The following EHD4 variants were observed in gnomAD, a reference collection of about 807,000 sequenced individuals.
EHD4 encodes EH domain-containing protein 4.
A neutral mutation model predicts 51.0 loss-of-function variants in EHD4; 37 were observed. That is an observed-to-expected ratio of 0.73 (90% CI 0.56 to 0.95). EHD4 has a LOEUF of 0.95. Among genes scored for constraint, EHD4 ranks in the 40% least tolerant of loss-of-function variants. The pLI, the probability that EHD4 is intolerant of heterozygous loss-of-function variation, is 0.00. For missense variants in EHD4, 632 were observed against 733.1 expected, an observed-to-expected ratio of 0.86 and a Z score of 1.59; for synonymous variants, 297 against 317.3, an observed-to-expected ratio of 0.94 and a Z score of 0.68.
At chr15:41,909,054 G>A (rs569647282) in intron 5 of EHD4, among the ~76,000 whole-genome samples, 4 of 152,354 alleles carry the variant, frequency 2.6e-5, no homozygotes, top group Admixed American at 6.5e-5. Flanking sequence ...GGACACGCTC[G>A]TCTAACAGCA....
intron 3 of EHD4, among the ~76,000 whole-genome samples, chr15:41,940,431 GA>G: frequency 6.6e-6 from 1 of 152,252 alleles, no homozygotes; most frequent in Non-Finnish European, 1.5e-5. Context: ...CGTTTGAGCT[GA>G]AGCTGCTTTA....
chr15:41,924,863 C>T (rs1202862543), intron 3 of EHD4, among the ~76,000 whole-genome samples: 1 of 151,892 alleles, frequency 6.6e-6, no homozygotes, highest in Non-Finnish European at 1.5e-5. Flanking sequence ...TCGAGACCAG[C>T]CTGGCCAACT....
chr15:41,963,466 G>A (rs1456119459), intron 1 of EHD4, among the ~76,000 whole-genome samples: 1 of 151,980 alleles, frequency 6.6e-6, no homozygotes, highest in Admixed American at 6.6e-5. Flanking sequence ...CAGGCATGGT[G>A]GCCCATGCCT....
At chr15:41,933,177 G>A (rs78000251) in intron 3 of EHD4, among the ~76,000 whole-genome samples, 1 of 152,136 alleles carries the variant, frequency 6.6e-6, no homozygotes, top group Non-Finnish European at 1.5e-5. Flanking sequence ...GGAAAATACA[G>A]ATGCTCCCTG....
chr15:41,900,334 A>C lies in EHD4; in HGVS notation c.*311T>G. Reference sequence around the variant, plus strand: ...TAGCTCACTTCCTGTGGTTCCTGGGACTTACCAGGCCCACCCCCATGCGCA... The same window carrying C: ...TAGCTCACTTCCTGTGGTTCCTGGGCCTTACCAGGCCCACCCCCATGCGCA... On this transcript the variant is annotated 3_prime_UTR_variant, in exon 6 of 6. Transcript: ENST00000220325. This position sits in a 1 kb window ranked among gnomAD's most constrained non-coding sequence, Gnocchi z 4.8. 5.6e-6 allele frequency: 2 copies of C among 356,912 alleles called. No homozygotes were observed. The highest frequency in any genetic ancestry group is 2.1e-5 in the African/African-American group (1 of 48,186). 22.1% of individuals were successfully genotyped at this position (356,912 alleles called of 1,614,324 possible). A position where few individuals can be genotyped will look rare whatever the true frequency, so the allele number is the denominator to read the frequency against.
At chr15:41,956,366 T>TC (rs1801741297) in intron 1 of EHD4, among the ~76,000 whole-genome samples, 1 of 152,124 alleles carries the variant, frequency 6.6e-6, no homozygotes, top group African/African-American at 2.4e-5. Context: ...CATACGGATA[T>TC]CGTAGTTAAG....
At chr15:41,958,613 C>A (rs1356606689) in intron 1 of EHD4, among the ~76,000 whole-genome samples, 1 of 152,038 alleles carries the variant, frequency 6.6e-6, no homozygotes, top group Non-Finnish European at 1.5e-5. Context: ...CAGAGATACT[C>A]TCAATATGTC....
rs968402495 is a variant in EHD4, at chr15:41,898,528, C to T, written c.*2117G>A. On this transcript the variant is annotated 3_prime_UTR_variant, in exon 6 of 6. Coordinates refer to ENST00000220325, the MANE Select transcript of EHD4 (RefSeq NM_139265.4). Reference sequence around the variant, plus strand: ...CTCTCAGTTCACCCTTTGGTGACCTCCACCGTGGCTGCAGACTTCAGGTGG... The same window carrying T: ...CTCTCAGTTCACCCTTTGGTGACCTTCACCGTGGCTGCAGACTTCAGGTGG... 6.6e-6 allele frequency: 1 copy of T among 152,238 alleles called. No individual in the cohort carries two copies. The highest frequency in any genetic ancestry group is 2.4e-5 in the African/African-American group (1 of 41,454). The allele number at this position is 152,238 out of a possible 1,614,324, so 9.4% of individuals were successfully genotyped here.
intron 1 of EHD4, among the ~76,000 whole-genome samples, chr15:41,965,895 C>A (rs1475736739): frequency 3.3e-5 from 5 of 152,042 alleles, no homozygotes; most frequent in African/African-American, 1.2e-4. Context: ...CGCTTCCCTG[C>A]TCGGACTGCA....
At chr15:41,934,075 C>T (rs1007698384) in intron 3 of EHD4, among the ~76,000 whole-genome samples, 2 of 152,126 alleles carry the variant, frequency 1.3e-5, no homozygotes, top group Admixed American at 6.5e-5. Context: ...GAGAGGGCAG[C>T]CTTCACCCTC....
chr15:41,951,105 G>A (rs2067849811), intron 2 of EHD4, among the ~76,000 whole-genome samples: 1 of 152,148 alleles, frequency 6.6e-6, no homozygotes, highest in South Asian at 2.1e-4. Context: ...GCTGGCCTGG[G>A]TTCCAGTCCC....
At chr15:41,911,612 T>C (rs1437573671) in intron 4 of EHD4, among the ~76,000 whole-genome samples, 1 of 152,140 alleles carries the variant, frequency 6.6e-6, no homozygotes, top group African/African-American at 2.4e-5. Context: ...TTCCTGGAAA[T>C]TCTGGATTGG....
In EHD4 at chr15:41,968,301, C is replaced by T. The variant is rs138555338; in HGVS notation, c.236+3958G>A. Among the ~76,000 whole-genome samples, 53 of 152,226 alleles carry T rather than the reference C, an allele frequency of 3.5e-4. No individual in the cohort carries two copies. In the East Asian group the frequency reaches 7.9e-3, roughly 23 times the overall value. On this transcript the variant is annotated intron_variant, in intron 1 of 5. Transcript: ENST00000220325. ...TATCTAAAGTTTTTAAACACAATTA[C>T]GGTATCAAGCATTTTATTAAAAATT...
chr15:41,922,570 C>T lies in EHD4; in HGVS notation c.512-2948G>A, dbSNP rs545654286. Among the ~76,000 whole-genome samples the T allele has an allele frequency of 3.9e-5, 6 of 152,336 alleles. No individual in the cohort carries two copies. In the East Asian group the frequency reaches 5.8e-4, roughly 15 times the overall value. ...CCTGCCGTGCTTGTGCCAACCCAGC[C>T]GTGCAGATGCAGTCTCTCTTCCTCC... On this transcript the variant is annotated intron_variant, in intron 3 of 5. Transcript: ENST00000220325.
At position 41,930,766 on chromosome 15, in the gene EHD4, T is replaced by C. The variant is rs186446692; in HGVS notation, c.512-11144A>G. ...TCAGAGACAGTTATTTCTGGGCTTA[T>C]GTCACAGATGGAAAGAAAGACCCAG... is the stretch of plus-strand genomic sequence containing the variant. On this transcript the variant is annotated intron_variant, in intron 3 of 5. Transcript: ENST00000220325. 1.9e-4 allele frequency among the ~76,000 whole-genome samples: 29 copies of C among 152,322 alleles called. No homozygotes were observed. The East Asian group carries it at 4.2e-3, about 22-fold the overall frequency.
chr15:41,918,084 T>C (rs1215531909), intron 4 of EHD4, among the ~76,000 whole-genome samples: 1 of 152,014 alleles, frequency 6.6e-6, no homozygotes, highest in Non-Finnish European at 1.5e-5. Flanking sequence ...GGAGGAAGAA[T>C]TGTCCCCACC....
intron 3 of EHD4, among the ~76,000 whole-genome samples, chr15:41,941,448 T>C (rs559302766): frequency 3.5e-4 from 53 of 152,338 alleles, no homozygotes; most frequent in African/African-American, 1.3e-3. Context: ...CCATTAATAA[T>C]TGTTAAATGT....
At chr15:41,962,205 G>A (rs2067928443) in intron 1 of EHD4, among the ~76,000 whole-genome samples, 1 of 152,152 alleles carries the variant, frequency 6.6e-6, no homozygotes, top group Non-Finnish European at 1.5e-5. Context: ...TGCAGTTCCA[G>A]GACAAATGGA....
At chr15:41,932,412 TG>T (rs963442238) in intron 3 of EHD4, among the ~76,000 whole-genome samples, 1 of 152,206 alleles carries the variant, frequency 6.6e-6, no homozygotes, top group African/African-American at 2.4e-5. Context: ...TGTAGCCTTT[TG>T]TCCCAAGCAC....
Sources: gnomAD v4.1 joint callset for allele counts (sites outside exome capture counted in the v4.1 genomes callset) on GRCh38, gnomAD v4.1.1 for gene constraint, Gnocchi (gnomAD v3.1) non-coding constraint, MANE v1.5 for transcripts, NCBI Gene and HGNC (gene_info 2026-07-23, HGNC 2026-07-21) for gene names.